Variants in DCC observed in about 807,000 individuals in gnomAD.
DCC encodes the protein netrin receptor DCC.
DCC carries 58 observed loss-of-function variants against 172.5 expected under a neutral mutation model. The observed-to-expected ratio is 0.34, with a 90% CI of 0.27 to 0.42. The LOEUF (loss-of-function observed/expected upper bound fraction) is 0.42. DCC is among the 10% of genes least tolerant of loss of function. The pLI is 1.00. For missense variants in DCC, 1,740 were observed against 1,791.0 expected, an observed-to-expected ratio of 0.97 and a Z score of 0.51; for synonymous variants, 709 against 644.5, an observed-to-expected ratio of 1.10 and a Z score of -1.52.
intron 13 of DCC, among the ~76,000 whole-genome samples, chr18:53,315,598 A>G (rs2057333719): frequency 6.6e-6 from 1 of 152,078 alleles, no homozygotes; most frequent in Admixed American, 6.5e-5. Context: ...AAGCATTCCT[A>G]TTTCTCCACA....
At chr18:53,275,544 C>T (rs564528379) in intron 12 of DCC, among the ~76,000 whole-genome samples, 1 of 152,168 alleles carries the variant, frequency 6.6e-6, no homozygotes, top group South Asian at 2.1e-4. Context: ...CACTGTATTA[C>T]AGTATAACAC....
At chr18:52,944,251 T>C (rs1170256322) in intron 5 of DCC, among the ~76,000 whole-genome samples, 1 of 152,154 alleles carries the variant, frequency 6.6e-6, no homozygotes, top group Non-Finnish European at 1.5e-5. Flanking sequence ...ATGAGAACAA[T>C]ATTTTGGCAA....
intron 1 of DCC, among the ~76,000 whole-genome samples, chr18:52,349,907 C>A (rs1347147429): frequency 6.6e-6 from 1 of 152,118 alleles, no homozygotes; most frequent in Non-Finnish European, 1.5e-5. Context: ...ATCAAGGGGC[C>A]TAACTCTGAT....
At chr18:53,023,927 T>A (rs2041920348) in intron 5 of DCC, among the ~76,000 whole-genome samples, 1 of 152,138 alleles carries the variant, frequency 6.6e-6, no homozygotes. Context: ...TTATTTTATT[T>A]CTATTATCTG....
chr18:52,638,858 T>G (rs1385265794), intron 1 of DCC, among the ~76,000 whole-genome samples: 1 of 152,090 alleles, frequency 6.6e-6, no homozygotes, highest in East Asian at 1.9e-4. Context: ...CAAATGAACT[T>G]AACAGATGTA....
intron 7 of DCC, among the ~76,000 whole-genome samples, chr18:53,123,301 G>C (rs1368623709): frequency 2.0e-5 from 3 of 152,068 alleles, no homozygotes; most frequent in Non-Finnish European, 4.4e-5. Context: ...GATGGTGGAG[G>C]ATTGAGTGCT....
intron 1 of DCC, among the ~76,000 whole-genome samples, chr18:52,392,467 C>T (rs773210721): frequency 4.6e-5 from 7 of 151,942 alleles, no homozygotes; most frequent in African/African-American, 9.7e-5. Flanking sequence ...TGGCAGTTAC[C>T]GATAGTGAGA....
intron 24 of DCC, among the ~76,000 whole-genome samples, chr18:53,466,572 C>G (rs1568150251): frequency 6.6e-6 from 1 of 152,158 alleles, no homozygotes; most frequent in Non-Finnish European, 1.5e-5. Context: ...GTCACCCAAG[C>G]TGGAGTGCAG....
At chr18:53,280,660 C>G (rs1046993561) in intron 12 of DCC, among the ~76,000 whole-genome samples, 1 of 151,960 alleles carries the variant, frequency 6.6e-6, no homozygotes, top group East Asian at 1.9e-4. Flanking sequence ...TTCTCTTTCT[C>G]AAAATCACTA....
intron 5 of DCC, among the ~76,000 whole-genome samples, chr18:53,017,727 A>G (rs192561832): frequency 4.6e-5 from 7 of 152,314 alleles, no homozygotes; most frequent in South Asian, 4.1e-4. Context: ...AATCTAATAT[A>G]ATAGTCTCAG....
At chr18:53,165,888 G>C (rs2054911790) in intron 8 of DCC, among the ~76,000 whole-genome samples, 1 of 152,152 alleles carries the variant, frequency 6.6e-6, no homozygotes, top group South Asian at 2.1e-4. Flanking sequence ...ACATGCTTCT[G>C]TGAGAGCATT....
rs141642692 is a variant in DCC, at chr18:52,941,481, C to T, written c.985+16111C>T. Among the ~76,000 whole-genome samples, 7 of 133,356 alleles carry T rather than the reference C, an allele frequency of 5.2e-5. No individual in the cohort carries two copies. In the East Asian group the frequency reaches 8.2e-4, roughly 16 times the overall value. The allele number at this position is 133,356 out of a possible 152,430, so 87.5% of individuals were successfully genotyped here. A position where few individuals can be genotyped will look rare whatever the true frequency, so the allele number is the denominator to read the frequency against. On this transcript the variant is annotated intron_variant, in intron 5 of 28. Transcript: ENST00000442544. ...AAATATTCTTTAACATACATATATA[C>T]ATGTTTGTGTGTGTGTGTGTGTATA...
At chr18:53,510,525 G>A (rs1444664905) in intron 27 of DCC, among the ~76,000 whole-genome samples, 1 of 152,164 alleles carries the variant, frequency 6.6e-6, no homozygotes, top group African/African-American at 2.4e-5. Flanking sequence ...GTTTGAGGAG[G>A]CTGGAGAGTG....
intron 2 of DCC, among the ~76,000 whole-genome samples, chr18:52,764,695 A>G (rs909277292): frequency 6.6e-6 from 1 of 152,146 alleles, no homozygotes; most frequent in African/African-American, 2.4e-5. Context: ...AGCTTTCAAA[A>G]CCGAAAGCCA....
chr18:52,831,057 A>G (rs1598847307), intron 2 of DCC, among the ~76,000 whole-genome samples: 2 of 152,146 alleles, frequency 1.3e-5, no homozygotes, highest in African/African-American at 4.8e-5. Context: ...GGAAAATGAG[A>G]TTTAAATAAG....
chr18:53,406,447 G>C (rs1909655967), intron 19 of DCC, among the ~76,000 whole-genome samples: 1 of 151,462 alleles, frequency 6.6e-6, no homozygotes. Context: ...GCTCACGCCT[G>C]TAGTCCCAGC....
At chr18:52,741,757 G>A (rs6508155) in intron 1 of DCC, among the ~76,000 whole-genome samples, 87,131 of 151,850 alleles carry the variant, frequency 0.57, 25,161 homozygotes, top group East Asian at 0.79. Flanking sequence ...CTCCAACCCA[G>A]CTATTCCTGG....
intron 1 of DCC, among the ~76,000 whole-genome samples, chr18:52,745,055 G>C (rs901669849): frequency 1.3e-5 from 2 of 152,100 alleles, no homozygotes; most frequent in African/African-American, 4.8e-5. Flanking sequence ...AGGCCATTTG[G>C]GGCCCAAACA....
At chr18:53,230,685 A>C (rs1296090816) in intron 12 of DCC, among the ~76,000 whole-genome samples, 1 of 152,006 alleles carries the variant, frequency 6.6e-6, no homozygotes, top group Non-Finnish European at 1.5e-5. Context: ...TTTTTCCCTT[A>C]CTTTGAATTA....
Sources: allele counts gnomAD v4.1 joint callset (sites outside exome capture counted in the v4.1 genomes callset), GRCh38; gene constraint gnomAD v4.1.1; transcripts MANE v1.5; gene names NCBI Gene and HGNC (gene_info 2026-07-23, HGNC 2026-07-21).